Variants in FAR2 observed in about 807,000 individuals in gnomAD.
FAR2 encodes the protein epididymis secretory protein Li 81.
In FAR2, 19 loss-of-function variants were observed where a neutral mutation model predicts 56.0. The ratio of observed to expected loss-of-function variants is 0.34; its 90% CI spans 0.24 to 0.50. FAR2 has a LOEUF of 0.50. Ranked by LOEUF, FAR2 falls within the 20% of genes least tolerant of loss-of-function variation. The pLI is 0.98. For missense variants in FAR2, 508 were observed against 642.2 expected (o/e 0.79, Z 2.26); for synonymous variants, 219 against 218.8 (o/e 1.00, Z -0.01).
intron 1 of FAR2, among the ~76,000 whole-genome samples, chr12:29,247,507 T>A (rs1479685942): frequency 1.3e-5 from 2 of 152,210 alleles, no homozygotes; most frequent in Non-Finnish European, 2.9e-5. Context: ...GTGGACTTAG[T>A]TTATGGTGCT....
intron 8 of FAR2, among the ~76,000 whole-genome samples, chr12:29,314,473 T>C (rs1949412595): frequency 6.6e-6 from 1 of 151,410 alleles, no homozygotes; most frequent in Non-Finnish European, 1.5e-5. Flanking sequence ...TAATAATTAT[T>C]CTATTCCAGG....
intron 1 of FAR2, among the ~76,000 whole-genome samples, chr12:29,158,865 T>C (rs547442609): frequency 5.6e-4 from 85 of 152,364 alleles, no homozygotes; most frequent in African/African-American, 1.9e-3. Flanking sequence ...TAAAGTGGCT[T>C]GTCACACATC....
chr12:29,178,533 CACAG>C lies in FAR2; in HGVS notation c.-39+29127_-39+29130del, dbSNP rs1195308459. 8.3e-4 allele frequency among the ~76,000 whole-genome samples: 126 copies of C among 152,290 alleles called. 1 individual carries two copies. Among genetic ancestry groups the C allele is most frequent in the African/African-American group, 2.9e-3 (119 of 41,578 alleles). On this transcript the variant is annotated intron_variant, in intron 1 of 11. Coordinates refer to ENST00000536681, the MANE Select transcript of FAR2 (RefSeq NM_001271783.2). Reference sequence around the variant, plus strand: ...ATTGCTTGAGCCTGGGACGTCGAGTCACAGTGGCAGGCACATTGTGGCAGTGAGC... The same window carrying C: ...ATTGCTTGAGCCTGGGACGTCGAGTCTGGCAGGCACATTGTGGCAGTGAGC...
intron 1 of FAR2, among the ~76,000 whole-genome samples, chr12:29,201,962 A>C (rs1007946755): frequency 6.6e-6 from 1 of 152,166 alleles, no homozygotes; most frequent in Non-Finnish European, 1.5e-5. Context: ...GCTTTGGATG[A>C]TGACTCTCAG....
intron 10 of FAR2, among the ~76,000 whole-genome samples, chr12:29,331,111 T>C (rs1949724608): frequency 6.6e-6 from 1 of 152,144 alleles, no homozygotes; most frequent in Non-Finnish European, 1.5e-5. Flanking sequence ...ATTTTAGCTA[T>C]TAAAGTCCTT....
intron 10 of FAR2, among the ~76,000 whole-genome samples, chr12:29,326,320 G>A (rs1356932474): frequency 1.3e-5 from 2 of 152,202 alleles, no homozygotes; most frequent in Admixed American, 6.5e-5. Context: ...TTCTACCAGA[G>A]TTACGAGGAG....
chr12:29,259,525 G>C (rs933140494), intron 1 of FAR2, among the ~76,000 whole-genome samples: 1 of 152,158 alleles, frequency 6.6e-6, no homozygotes, highest in Admixed American at 6.5e-5. Flanking sequence ...AAAGAATAAA[G>C]TTCCCATATG....
At position 29,257,038 on chromosome 12, in the gene FAR2, C is replaced by T. The variant is rs7300072; in HGVS notation, c.-38-13374C>T. On this transcript the variant is annotated intron_variant, in intron 1 of 11. Transcript: ENST00000536681. ...GACTGAGGAGTGCGGGTGCACGGCG[C>T]GGGACTGGCAGGTAGCTCCATCTGT... 4.6e-3 allele frequency among the ~76,000 whole-genome samples: 702 copies of T among 152,352 alleles called. 9 individuals carry two copies. The highest frequency in any genetic ancestry group is 0.016 in the African/African-American group (669 of 41,586).
intron 1 of FAR2, among the ~76,000 whole-genome samples, chr12:29,184,944 G>T (rs929199558): frequency 6.6e-6 from 1 of 151,874 alleles, no homozygotes; most frequent in Admixed American, 6.6e-5. Context: ...TCAAGTTCTC[G>T]GTTCAAATTC....
At chr12:29,198,678 A>C (rs889651916) in intron 1 of FAR2, among the ~76,000 whole-genome samples, 6 of 152,166 alleles carry the variant, frequency 3.9e-5, no homozygotes, top group African/African-American at 1.4e-4. Context: ...GAAGCATAAA[A>C]ATTTTAGATC....
intron 3 of FAR2, among the ~76,000 whole-genome samples, chr12:29,295,271 A>G (rs1428955293): frequency 6.6e-6 from 1 of 152,084 alleles, no homozygotes; most frequent in African/African-American, 2.4e-5. Flanking sequence ...ACGGGGTTTC[A>G]CAATCATGGC....
chr12:29,302,806 C>T (rs768773414), intron 4 of FAR2, among the ~76,000 whole-genome samples: 1 of 151,840 alleles, frequency 6.6e-6, no homozygotes, highest in Non-Finnish European at 1.5e-5. Flanking sequence ...ACGGAGGAAG[C>T]GAGACCCATT....
Position 29,316,600 on chromosome 12 carries a change from G to A in FAR2, c.956-241G>A, listed in dbSNP as rs147723157. On this transcript the variant is annotated intron_variant, in intron 8 of 11. Coordinates refer to ENST00000536681, the MANE Select transcript of FAR2 (RefSeq NM_001271783.2). ...TGTATTGACAAGTGTTTCCCCAATAGTTTGTTTTACAGTAAATGCTTCAAC... is the reference window on the plus strand; with the variant it reads ...TGTATTGACAAGTGTTTCCCCAATAATTTGTTTTACAGTAAATGCTTCAAC... 6.6e-3 allele frequency among the ~76,000 whole-genome samples: 1,012 copies of A among 152,220 alleles called. 12 individuals carry two copies. Among genetic ancestry groups the A allele is most frequent in the African/African-American group, 0.023 (959 of 41,540 alleles).
At chr12:29,222,856 A>G (rs1001770141) in intron 1 of FAR2, among the ~76,000 whole-genome samples, 12 of 152,196 alleles carry the variant, frequency 7.9e-5, no homozygotes, top group Non-Finnish European at 1.5e-4. Context: ...CCTGGAAAAT[A>G]AGCTCCATCA....
intron 1 of FAR2, among the ~76,000 whole-genome samples, chr12:29,192,725 G>A (rs1041113347): frequency 6.6e-6 from 1 of 152,106 alleles, no homozygotes; most frequent in Non-Finnish European, 1.5e-5. Flanking sequence ...ATAAAACATT[G>A]CATTTGTGCA....
chr12:29,168,562 G>T (rs997890160), intron 1 of FAR2, among the ~76,000 whole-genome samples: 1 of 152,180 alleles, frequency 6.6e-6, no homozygotes, highest in African/African-American at 2.4e-5. Context: ...TCTTGGTTTT[G>T]CTGACTTCAA....
At chr12:29,225,509 A>C (rs1198751878) in intron 1 of FAR2, among the ~76,000 whole-genome samples, 1 of 152,226 alleles carries the variant, frequency 6.6e-6, no homozygotes, top group Admixed American at 6.5e-5. Flanking sequence ...AGTACCAATT[A>C]CATAATGCTC....
chr12:29,149,754 G>A (rs1198334776), intron 1 of FAR2, among the ~76,000 whole-genome samples: 1 of 152,246 alleles, frequency 6.6e-6, no homozygotes, highest in Non-Finnish European at 1.5e-5. Flanking sequence ...CTTGGGGACT[G>A]GGGACCCGGG....
At chr12:29,168,109 C>G (rs1046902222) in intron 1 of FAR2, among the ~76,000 whole-genome samples, 1 of 152,136 alleles carries the variant, frequency 6.6e-6, no homozygotes, top group Non-Finnish European at 1.5e-5. Context: ...ACGTGTCAGT[C>G]AAGAGTAAAC....
Sources: allele counts gnomAD v4.1 joint callset (sites outside exome capture counted in the v4.1 genomes callset), GRCh38; gene constraint gnomAD v4.1.1; transcripts MANE v1.5; gene names NCBI Gene and HGNC (gene_info 2026-07-23, HGNC 2026-07-21).